Variants in GMDS observed in about 807,000 individuals in gnomAD.
GMDS encodes the protein GDP-mannose 4,6 dehydratase.
Under a neutral mutation model 49.9 loss-of-function variants are expected in GMDS, and 20 were observed. The observed-to-expected ratio is 0.40, with a 90% CI of 0.28 to 0.58. The LOEUF (loss-of-function observed/expected upper bound fraction) is 0.58, where lower values mean the gene tolerates loss of function less well. GMDS is among the 20% of genes least tolerant of loss of function. GMDS has a pLI of 0.42. For synonymous variants in GMDS, 177 were observed against 178.6 expected, an observed-to-expected ratio of 0.99 and a Z score of 0.07; for missense variants, 362 against 481.4, an observed-to-expected ratio of 0.75 and a Z score of 2.32.
intron 9 of GMDS, among the ~76,000 whole-genome samples, chr6:1,658,407 C>T (rs1763959484): frequency 6.6e-6 from 1 of 152,260 alleles, no homozygotes; most frequent in Non-Finnish European, 1.5e-5. Context: ...CGACTGCTGG[C>T]ATTCGGCCCT....
rs902700762 is a variant in GMDS, at chr6:1,640,174, G to A, written c.988-15634C>T. 3.9e-5 allele frequency among the ~76,000 whole-genome samples: 6 copies of A among 152,176 alleles called. No homozygotes were observed. The highest frequency in any genetic ancestry group is 5.9e-5 in the Non-Finnish European group (4 of 68,042). ...ATGGCACCAGCTCGGCAGCACTGTT[G>A]CCCAAGGCTCCCCCACATCACTCTT... On this transcript the variant is annotated intron_variant, in intron 9 of 10. Coordinates refer to ENST00000380815, the MANE Select transcript of GMDS (RefSeq NM_001500.4). The surrounding 1 kb of genome is among the most constrained non-coding windows in gnomAD (Gnocchi z 4.0).
At position 1,714,208 on chromosome 6, in the gene GMDS, C is replaced by T. The variant is rs535988380; in HGVS notation, c.987+12208G>A. On this transcript the variant is annotated intron_variant, in intron 9 of 10. Transcript: ENST00000380815. ...AATTTTTTTGTATTTTTAGTACAGA[C>T]GGGATTTCACTTTGTTAGTCAGGAT... Among the ~76,000 whole-genome samples the T allele has an allele frequency of 7.9e-5, 12 of 152,186 alleles. No individual in the cohort carries two copies. The East Asian group carries it at 2.3e-3, about 30-fold the overall frequency.
At chr6:2,188,463 A>T (rs754204864) in intron 1 of GMDS, among the ~76,000 whole-genome samples, 2 of 152,156 alleles carry the variant, frequency 1.3e-5, no homozygotes, top group South Asian at 2.1e-4. Context: ...AAAGGGAAAA[A>T]ATGCTATTTT....
chr6:1,852,265 T>C (rs1298048629), intron 7 of GMDS, among the ~76,000 whole-genome samples: 1 of 152,228 alleles, frequency 6.6e-6, no homozygotes, highest in Admixed American at 6.5e-5. Flanking sequence ...AAATGCCCTT[T>C]AAATGAAGGA....
intron 7 of GMDS, among the ~76,000 whole-genome samples, chr6:1,905,994 C>G (rs1760757037): frequency 6.6e-6 from 1 of 151,682 alleles, no homozygotes; most frequent in Non-Finnish European, 1.5e-5. Context: ...TGGAAAGTAC[C>G]CACCGAGACT....
intron 1 of GMDS, among the ~76,000 whole-genome samples, chr6:2,201,858 G>A (rs1190247052): frequency 5.0e-4 from 50 of 100,982 alleles, no homozygotes; most frequent in South Asian, 8.5e-4. Flanking sequence ...CACCACATGG[G>A]CATCCGAGAT....
At chr6:2,035,775 C>G (rs914522471) in intron 4 of GMDS, among the ~76,000 whole-genome samples, 1 of 152,080 alleles carries the variant, frequency 6.6e-6, no homozygotes, top group Non-Finnish European at 1.5e-5. Context: ...CAACCTCTAC[C>G]TCCCAAGTTC....
chr6:1,854,705 A>C (rs1240037624), intron 7 of GMDS, among the ~76,000 whole-genome samples: 1 of 152,260 alleles, frequency 6.6e-6, no homozygotes, highest in East Asian at 1.9e-4. Context: ...GCGATCTAGC[A>C]GCAAGATGGG....
chr6:2,169,481 A>G (rs1389702766), intron 1 of GMDS, among the ~76,000 whole-genome samples: 1 of 151,890 alleles, frequency 6.6e-6, no homozygotes, highest in Non-Finnish European at 1.5e-5. Context: ...GGTGGCAAGC[A>G]CCTGTAATCC....
chr6:1,671,310 C>G lies in GMDS; in HGVS notation c.988-46770G>C, dbSNP rs558078426. On this transcript the variant is annotated intron_variant, in intron 9 of 10. Coordinates refer to ENST00000380815, the MANE Select transcript of GMDS (RefSeq NM_001500.4). ...TGTGTTCAGGAGGCTGCTTCTCACT[C>G]GACGCCCTGTTTAGAGGAAGCAGCG... is the stretch of plus-strand genomic sequence containing the variant. Among the ~76,000 whole-genome samples, 153 of 152,164 alleles carry G rather than the reference C, an allele frequency of 1.0e-3. 1 individual carries two copies. The highest frequency in any genetic ancestry group is 1.7e-3 in the Non-Finnish European group (117 of 68,042).
chr6:2,174,108 G>A (rs919686128), intron 1 of GMDS, among the ~76,000 whole-genome samples: 5 of 152,062 alleles, frequency 3.3e-5, no homozygotes, highest in African/African-American at 7.2e-5. Flanking sequence ...GACCTTGGGC[G>A]GTCTCACTCA....
intron 7 of GMDS, among the ~76,000 whole-genome samples, chr6:1,894,030 C>G (rs1760024603): frequency 1.3e-5 from 2 of 152,188 alleles, no homozygotes; most frequent in Non-Finnish European, 2.9e-5. Flanking sequence ...CAATATGCAG[C>G]TGAGAGACAA....
intron 4 of GMDS, among the ~76,000 whole-genome samples, chr6:1,970,674 A>G (rs2761246): frequency 0.63 from 94,947 of 151,426 alleles, 29,808 homozygotes; most frequent in East Asian, 0.67. Flanking sequence ...GGATTAAGAA[A>G]GGCATCCTGA....
chr6:1,720,956 G>C (rs992429533), intron 9 of GMDS, among the ~76,000 whole-genome samples: 21 of 152,120 alleles, frequency 1.4e-4, no homozygotes, highest in Admixed American at 1.3e-3. Flanking sequence ...ACAGTTTCAG[G>C]ACAAAAGGCC....
intron 4 of GMDS, among the ~76,000 whole-genome samples, chr6:1,988,447 A>G (rs1034311459): frequency 1.3e-5 from 2 of 151,996 alleles, no homozygotes; most frequent in African/African-American, 2.4e-5. Flanking sequence ...TTTGGGATGA[A>G]AGAGCTCCTT....
chr6:1,880,117 A>C (rs1455401824), intron 7 of GMDS, among the ~76,000 whole-genome samples: 1 of 151,982 alleles, frequency 6.6e-6, no homozygotes, highest in Non-Finnish European at 1.5e-5. Flanking sequence ...AAATAAAAAG[A>C]AGAGGAAGGT....
At chr6:1,891,414 A>G (rs1337303998) in intron 7 of GMDS, among the ~76,000 whole-genome samples, 2 of 152,250 alleles carry the variant, frequency 1.3e-5, no homozygotes, top group African/African-American at 2.4e-5. Flanking sequence ...GTGTCAGAAC[A>G]AGAGCCCAGC....
chr6:2,105,181 C>CAAAAA (rs530164439), intron 4 of GMDS, among the ~76,000 whole-genome samples: 729 of 62,538 alleles, frequency 0.012, no homozygotes, highest in Middle Eastern at 0.039. Context: ...GACTCCGTCT[C>CAAAAA]AAAAAAAAAA....
At chr6:1,838,216 G>C (rs561359027) in intron 7 of GMDS, among the ~76,000 whole-genome samples, 1 of 152,276 alleles carries the variant, frequency 6.6e-6, no homozygotes, top group South Asian at 2.1e-4. Flanking sequence ...TAATTACTTA[G>C]AGCCAGACAT....
Sources: allele counts gnomAD v4.1 joint callset (sites outside exome capture counted in the v4.1 genomes callset), GRCh38; gene constraint gnomAD v4.1.1; non-coding constraint Gnocchi (gnomAD v3.1); transcripts MANE v1.5; gene names NCBI Gene and HGNC (gene_info 2026-07-23, HGNC 2026-07-21).